MICU1: variants seen among roughly 807,000 people sequenced by gnomAD.
MICU1 encodes calcium uptake protein 1, mitochondrial.
MICU1 carries 45 observed loss-of-function variants against 56.8 expected under a neutral mutation model. The ratio of observed to expected loss-of-function variants is 0.79; its 90% confidence interval spans 0.62 to 1.02. MICU1 has a LOEUF of 1.02. MICU1 is among the 50% of genes least tolerant of loss of function. MICU1 has a pLI of 0.00. For synonymous variants in MICU1, 186 were observed against 195.1 expected (o/e 0.95, Z 0.39); for missense variants, 504 against 587.1 (o/e 0.86, Z 1.46).
chr10:72,525,316 A>G (rs1867931811), intron 5 of MICU1, among the ~76,000 whole-genome samples: 1 of 152,178 alleles, frequency 6.6e-6, no homozygotes, highest in South Asian at 2.1e-4. Context: ...AATTTGACCT[A>G]TATTTACCAT....
intron 5 of MICU1, among the ~76,000 whole-genome samples, chr10:72,530,596 T>G (rs1839452234): frequency 6.6e-6 from 1 of 152,112 alleles, no homozygotes; most frequent in Non-Finnish European, 1.5e-5. Context: ...AGACCTATGA[T>G]AGTAGATGGT....
chr10:72,611,184 T>A (rs1325186401), intron 1 of MICU1, among the ~76,000 whole-genome samples: 3 of 151,496 alleles, frequency 2.0e-5, no homozygotes, highest in African/African-American at 7.3e-5. Context: ...GCGCCTGTAG[T>A]CCCAGCTACT....
intron 3 of MICU1, among the ~76,000 whole-genome samples, chr10:72,555,388 A>T (rs1840135267): frequency 6.7e-6 from 1 of 148,968 alleles, no homozygotes; most frequent in East Asian, 1.9e-4. Context: ...TTATAACTAT[A>T]AAAAAAAAAC....
At chr10:72,425,935 C>T (rs1019299921) in intron 8 of MICU1, among the ~76,000 whole-genome samples, 2 of 152,196 alleles carry the variant, frequency 1.3e-5, no homozygotes, top group Non-Finnish European at 2.9e-5. Flanking sequence ...AGCTAGACAT[C>T]ATGTGGCTGC....
chr10:72,374,300 A>AT (rs1862443537), intron 11 of MICU1, among the ~76,000 whole-genome samples: 1 of 152,044 alleles, frequency 6.6e-6, no homozygotes, highest in Non-Finnish European at 1.5e-5. Flanking sequence ...AATTTTTAAA[A>AT]TTTTTTGTAG....
intron 11 of MICU1, among the ~76,000 whole-genome samples, chr10:72,373,523 C>T (rs534821315): frequency 3.3e-5 from 5 of 152,152 alleles, no homozygotes; most frequent in East Asian, 3.9e-4. Context: ...AAAATAACAA[C>T]GGCTTTTTGT....
chr10:72,372,257 A>G (rs1862370265), intron 11 of MICU1, among the ~76,000 whole-genome samples: 2 of 152,028 alleles, frequency 1.3e-5, no homozygotes, highest in South Asian at 4.1e-4. Flanking sequence ...CTCTGAAGCT[A>G]CTCAAGAGGT....
At chr10:72,526,932 CAAAAAAA>C (rs57033966) in intron 5 of MICU1, among the ~76,000 whole-genome samples, 19 of 127,632 alleles carry the variant, frequency 1.5e-4, no homozygotes, top group East Asian at 8.5e-4. Context: ...GTAATGGCTT[CAAAAAAA>C]AAAAAAAAAA....
chr10:72,469,200 C>T (rs1865880056), intron 8 of MICU1, among the ~76,000 whole-genome samples: 1 of 152,172 alleles, frequency 6.6e-6, no homozygotes, highest in Admixed American at 6.5e-5. Flanking sequence ...TCTGACCCCT[C>T]TGGAAATTAA....
chr10:72,408,904 A>C (rs191882499), intron 9 of MICU1, among the ~76,000 whole-genome samples: 2 of 152,302 alleles, frequency 1.3e-5, no homozygotes, highest in Non-Finnish European at 2.9e-5. Context: ...GTAATTTGCC[A>C]CTTAACTTTA....
chr10:72,595,329 G>A (rs982789512), intron 1 of MICU1, among the ~76,000 whole-genome samples: 43 of 151,168 alleles, frequency 2.8e-4, no homozygotes, highest in African/African-American at 5.4e-4. Context: ...GCACATGCCC[G>A]AAGTCCCAGC....
chr10:72,451,094 A>G (rs1865284518), intron 8 of MICU1, among the ~76,000 whole-genome samples: 1 of 140,732 alleles, frequency 7.1e-6, no homozygotes, highest in African/African-American at 2.7e-5. Context: ...TCATGATCTC[A>G]GCTCACTGCA....
chr10:72,427,733 A>AATAAATAAATATAT (rs1241632825), intron 8 of MICU1, among the ~76,000 whole-genome samples: 6 of 136,344 alleles, frequency 4.4e-5, no homozygotes, highest in East Asian at 3.2e-4. Context: ...CCATCTCTAA[A>AATAAATAAATATAT]ATATATATAT....
intron 4 of MICU1, among the ~76,000 whole-genome samples, chr10:72,542,000 AC>A (rs1386089419): frequency 2.0e-5 from 3 of 152,208 alleles, no homozygotes; most frequent in Non-Finnish European, 4.4e-5. Context: ...AGTAAGGGAA[AC>A]TTATAAAACT....
chr10:72,519,721 T>C (rs569440775), intron 5 of MICU1, among the ~76,000 whole-genome samples: 2 of 152,180 alleles, frequency 1.3e-5, no homozygotes. Context: ...ATAGGGTTGG[T>C]AATTTTGCCT....
In MICU1 at chr10:72,368,607, T is replaced by C. The variant is rs183657843; in HGVS notation, c.1271-252A>G. On this transcript the variant is annotated intron_variant, in intron 11 of 11. Coordinates refer to ENST00000361114, the MANE Select transcript of MICU1 (RefSeq NM_001195518.2). ...ATATGCCAGGTCTTGTGCCAGGTGTTTAGAACAAGGAGATAAATGAGCTTT... is the reference window on the plus strand; with the variant it reads ...ATATGCCAGGTCTTGTGCCAGGTGTCTAGAACAAGGAGATAAATGAGCTTT... 1.1e-3 allele frequency among the ~76,000 whole-genome samples: 170 copies of C among 152,264 alleles called. 1 individual carries two copies. The highest frequency in any genetic ancestry group is 3.9e-3 in the African/African-American group (162 of 41,544).
chr10:72,398,805 C>T lies in MICU1; in HGVS notation c.1180+9124G>A, dbSNP rs546783449. 4.0e-4 allele frequency among the ~76,000 whole-genome samples: 61 copies of T among 152,192 alleles called. 2 individuals are homozygous for T. In the South Asian group the frequency reaches 0.012, roughly 31 times the overall value. ...TGAAATTCAGGCAATAATTAATAGC[C>T]TACCAACCAAAAAAAAGTCCAGGAC... On this transcript the variant is annotated intron_variant, in intron 10 of 11. Coordinates refer to ENST00000361114, the MANE Select transcript of MICU1 (RefSeq NM_001195518.2).
At chr10:72,550,242 T>C (rs117295370) in intron 4 of MICU1, among the ~76,000 whole-genome samples, 178 of 152,334 alleles carry the variant, frequency 1.2e-3, no homozygotes, top group Non-Finnish European at 2.0e-3. Context: ...TTAGATATGT[T>C]TGGATATACA....
intron 8 of MICU1, among the ~76,000 whole-genome samples, chr10:72,428,300 A>G (rs1864414778): frequency 6.6e-6 from 1 of 152,130 alleles, no homozygotes; most frequent in South Asian, 2.1e-4. Flanking sequence ...TCTACTTCCA[A>G]TCCAAACATT....
Sources: gnomAD v4.1 joint callset for allele counts (sites outside exome capture counted in the v4.1 genomes callset) on GRCh38, gnomAD v4.1.1 for gene constraint, MANE v1.5 for transcripts, NCBI Gene and HGNC (gene_info 2026-07-23, HGNC 2026-07-21) for gene names.